The following RICTOR variants were observed in gnomAD, a reference collection of about 807,000 sequenced individuals.
RICTOR encodes the protein RPTOR independent companion of MTOR complex 2.
In RICTOR, 49 loss-of-function variants were observed where a neutral mutation model predicts 214.9. The ratio of observed to expected loss-of-function variants is 0.23; its 90% confidence interval spans 0.18 to 0.29. The LOEUF (loss-of-function observed/expected upper bound fraction) is 0.29. Among genes scored for constraint, RICTOR ranks in the 10% least tolerant of loss-of-function variants. The pLI is 1.00. For synonymous variants in RICTOR, 717 were observed against 711.3 expected (o/e 1.01, Z -0.13); for missense variants, 1,625 against 2,047.0 (o/e 0.79, Z 3.98).
chr5:38,959,289 T>C lies in RICTOR; in HGVS notation c.2084A>G (p.Asp695Gly), dbSNP rs1178935412. ...AGAAACAGTAAGTTTTAGCAAGTGA[T>C]CTTGGTTTTTCAAGGAGCAAAGATT... is the stretch of plus-strand genomic sequence containing the variant. ...LLNLCSLKNQDHLLKLTVSSL... is the reference protein window; with the variant it reads ...LLNLCSLKNQGHLLKLTVSSL... The change falls in exon 22 of 38, where the codon GAT becomes GGT. Residue 695 changes from aspartate to glycine, a missense_variant. Physicochemically the swap from Asp to Gly is moderately conservative, Grantham distance 94. Around this residue, in one of 5 missense-constraint regions of RICTOR, gnomAD observed 1,214 missense variants for 1,470.5 expected, o/e 0.83. Transcript: ENST00000357387. 1 of 1,585,188 alleles carries C rather than the reference T, an allele frequency of 6.3e-7. No individual in the cohort carries two copies. Among genetic ancestry groups the C allele is most frequent in the Non-Finnish European group, 8.6e-7 (1 of 1,163,108 alleles).
chr5:38,996,443 T>G (rs1753182651), intron 6 of RICTOR, among the ~76,000 whole-genome samples: 2 of 152,236 alleles, frequency 1.3e-5, no homozygotes, highest in Non-Finnish European at 2.9e-5. Flanking sequence ...TTAGTATTTG[T>G]GACTTCCATT....
chr5:38,996,669 G>C, intron 6 of RICTOR, 150 bp downstream of exon 6: 1 of 497,690 alleles, frequency 2.0e-6, no homozygotes, highest in Non-Finnish European at 3.5e-6. Flanking sequence ...AAAGTTTAAT[G>C]AATTTATTTA....
At chr5:39,073,777 T>C (rs1759503735) in intron 2 of RICTOR, among the ~76,000 whole-genome samples, 1 of 152,158 alleles carries the variant, frequency 6.6e-6, no homozygotes, top group African/African-American at 2.4e-5. Flanking sequence ...TAGCTTGGGC[T>C]GCCGGACTCC....
intron 5 of RICTOR, among the ~76,000 whole-genome samples, chr5:39,000,298 C>T (rs750680987): frequency 1.3e-5 from 2 of 151,828 alleles, no homozygotes; most frequent in African/African-American, 2.4e-5. Flanking sequence ...GGCCATATTT[C>T]CCTAGTTGTT....
intron 9 of RICTOR, among the ~76,000 whole-genome samples, chr5:38,977,270 C>A (rs998002059): frequency 6.6e-6 from 1 of 152,168 alleles, no homozygotes; most frequent in Admixed American, 6.5e-5. Context: ...TTCACCAGAG[C>A]CTCCAGGCAA....
intron 19 of RICTOR, 28 bp downstream of exon 19, chr5:38,962,281 CTTTAAA>C: frequency 9.3e-7 from 1 of 1,069,604 alleles, no homozygotes. Context: ...TATTTAAGTT[CTTTAAA>C]TTTAAATGCA....
rs778945837 is a variant in RICTOR at position 38,971,870 on chromosome 5, T to C, written c.972+7A>G. On this transcript the variant is annotated splice_region_variant and intron_variant, in intron 11 of 37. Coordinates refer to ENST00000357387, the MANE Select transcript of RICTOR (RefSeq NM_152756.5). ...GGAATGAAACAATCCTAATAACTTT[T>C]ACCTACCCTTATTTCCATATTTGGT... The C allele has an allele frequency of 6.8e-6, 8 of 1,180,414 alleles. 1 individual carries two copies. The South Asian group carries it at 1.0e-4, about 15-fold the overall frequency. 73.1% of individuals were successfully genotyped at this position (1,180,414 alleles called of 1,614,324 possible). A position where few individuals can be genotyped will look rare whatever the true frequency, so the allele number is the denominator to read the frequency against.
intron 7 of RICTOR, among the ~76,000 whole-genome samples, 197 bp downstream of exon 7, chr5:38,990,752 A>ATATCAGATATATCATATATC (rs1336882288): frequency 3.8e-5 from 2 of 52,550 alleles, no homozygotes; most frequent in African/African-American, 1.1e-4. Flanking sequence ...TATGAGATAT[A>ATATCAGATATATCATATATC]TGATATATAT....
At chr5:39,057,509 TAAGGA>T (rs1477315339) in intron 2 of RICTOR, among the ~76,000 whole-genome samples, 7 of 152,144 alleles carry the variant, frequency 4.6e-5, no homozygotes, top group African/African-American at 1.7e-4. Flanking sequence ...AGCTTTATTC[TAAGGA>T]AAGTCATTTA....
intron 2 of RICTOR, among the ~76,000 whole-genome samples, chr5:39,058,156 A>C (rs1258658723): frequency 6.6e-6 from 1 of 152,072 alleles, no homozygotes; most frequent in Non-Finnish European, 1.5e-5. Flanking sequence ...TCCAACTCTC[A>C]CATCACTATT....
chr5:39,038,553 T>C (rs894815962), intron 2 of RICTOR, among the ~76,000 whole-genome samples: 31 of 152,194 alleles, frequency 2.0e-4, no homozygotes, highest in Non-Finnish European at 3.4e-4. Context: ...GATGATATGA[T>C]TGTATATTTA....
chr5:38,967,931 T>G lies in RICTOR; in HGVS notation c.1060+12A>C, dbSNP rs748718415. The stretch of plus-strand genomic sequence containing the variant: ...AATATATGAAAAGATACAAATGTAC[T>G]TCAATACTTACCTACACTGAGTAGT... On this transcript the variant is annotated intron_variant, in intron 12 of 37. Coordinates refer to ENST00000357387, the MANE Select transcript of RICTOR (RefSeq NM_152756.5). The G allele has an allele frequency of 5.1e-6, 7 of 1,372,566 alleles. No homozygotes were observed. The highest frequency in any genetic ancestry group is 1.7e-5 in the Admixed American group (1 of 57,294). The allele number at this position is 1,372,566 out of a possible 1,614,324, so 85.0% of individuals were successfully genotyped here.
intron 19 of RICTOR, 75 bp from the exon 20 acceptor site, chr5:38,960,608 C>A: frequency 7.1e-7 from 1 of 1,410,212 alleles, no homozygotes; most frequent in Non-Finnish European, 9.9e-7. Context: ...TTACTTATGA[C>A]ATAATAAGGC....
chr5:39,057,363 T>C (rs1434939052), intron 2 of RICTOR, among the ~76,000 whole-genome samples: 1 of 152,176 alleles, frequency 6.6e-6, no homozygotes, highest in Non-Finnish European at 1.5e-5. Context: ...ACTTAGTAAG[T>C]ATATAATTTC....
At chr5:38,990,747 GAT>G (rs1258528025) in intron 7 of RICTOR, among the ~76,000 whole-genome samples, 200 bp downstream of exon 7, 1 of 23,112 alleles carries the variant, frequency 4.3e-5, no homozygotes, top group South Asian at 9.1e-4. Context: ...ATATATATGA[GAT>G]ATATGATATA....
intron 34 of RICTOR, 164 bp from the exon 35 acceptor site, chr5:38,945,232 T>C (rs771409990): frequency 6.8e-5 from 43 of 632,452 alleles, no homozygotes; most frequent in Non-Finnish European, 9.7e-5. Flanking sequence ...TGAAAATAAC[T>C]ACAGCATGCA....
intron 2 of RICTOR, among the ~76,000 whole-genome samples, chr5:39,034,136 G>A (rs1413836635): frequency 1.3e-5 from 2 of 152,156 alleles, no homozygotes; most frequent in Non-Finnish European, 2.9e-5. Flanking sequence ...CATCTACCAG[G>A]CCACTTCTGC....
rs745307497 is a variant in RICTOR, at chr5:38,950,655, T to C, written c.3193A>G (p.Asn1065Asp). ...TAAAATGTTGGCTCTGTATCTTCAT[T>C]GATATCAAGGAAAAATGTGCTAGTA... ...SSTSTFFLDINEDTEPTFYDR... is the reference protein window; with the variant it reads ...SSTSTFFLDIDEDTEPTFYDR... The change falls in exon 31 of 38, where the codon AAT (asparagine) becomes GAT (aspartate). Residue 1065 changes from asparagine (N) to aspartate (D), a missense_variant. This residue lies in a region of RICTOR where 1,214 missense variants were observed against 1,470.5 expected (regional missense o/e 0.83). Transcript: ENST00000357387. 1.2e-6 allele frequency: 2 copies of C among 1,612,018 alleles called. No homozygotes were observed. The highest frequency in any genetic ancestry group is 2.2e-5 in the South Asian group (2 of 90,830).
At chr5:38,976,060 G>T (rs1751206593) in intron 9 of RICTOR, among the ~76,000 whole-genome samples, 1 of 152,154 alleles carries the variant, frequency 6.6e-6, no homozygotes, top group Admixed American at 6.5e-5. Flanking sequence ...TCACTGAAAT[G>T]TTATGAAATA....
Sources: allele counts gnomAD v4.1 joint callset (sites outside exome capture counted in the v4.1 genomes callset), GRCh38; gene constraint gnomAD v4.1.1; regional missense constraint gnomAD v4.1.1; transcripts MANE v1.5; gene names NCBI Gene and HGNC (gene_info 2026-07-23, HGNC 2026-07-21).